The following WDR59 variants were observed in gnomAD, a reference collection of about 807,000 sequenced individuals.
WDR59 encodes the protein GATOR2 complex protein WDR59.
In WDR59, 100 loss-of-function variants were observed where a neutral mutation model predicts 131.2. The observed-to-expected ratio is 0.76, with a 90% CI of 0.65 to 0.90. The LOEUF (loss-of-function observed/expected upper bound fraction) is 0.90. Ranked by LOEUF, WDR59 falls within the 40% of genes least tolerant of loss-of-function variation. The probability of loss-of-function intolerance (pLI) is 0.00; values close to 1 mark genes in which losing one functional copy is unlikely to be tolerated. For missense variants in WDR59, 1,203 were observed against 1,262.2 expected (o/e 0.95, Z 0.71); for synonymous variants, 601 against 466.2 (o/e 1.29, Z -3.72).
chr16:74,916,143 G>C lies in WDR59; in HGVS notation c.1083C>G (p.Ser361Arg), dbSNP rs1185642929. 6.2e-7 allele frequency: 1 copy of C among 1,614,160 alleles called. No homozygotes were observed. The highest frequency in any genetic ancestry group is 8.5e-7 in the Non-Finnish European group (1 of 1,180,034). Reference protein sequence around the residue: ...TEDTDHQHTASHGEEEALKED... With the variant: ...TEDTDHQHTARHGEEEALKED... ...ACAAATTACCTTCTTCCTCCCCATG[G>C]CTTGCAGTGTGCTGGTGATCTGTAT... The change falls in exon 12 of 26, where the codon AGC becomes AGG. Residue 361 changes from serine to arginine, a missense_variant. By Grantham distance (110) the Ser-to-Arg change is moderately radical. Coordinates refer to ENST00000262144, the MANE Select transcript of WDR59 (RefSeq NM_030581.4).
At chr16:74,886,192 T>TAAAAAAAAAAAAAAAA (rs1567687441) in intron 24 of WDR59, 78 bp downstream of exon 24, 1 of 1,152,284 alleles carries the variant, frequency 8.7e-7, no homozygotes, top group Admixed American at 2.4e-5. Context: ...AAAAAAAAAG[T>TAAAAAAAAAAAAAAAA]AAGAGTTGTG....
chr16:74,907,278 C>G (rs1567706933), intron 17 of WDR59, among the ~76,000 whole-genome samples: 1 of 152,136 alleles, frequency 6.6e-6, no homozygotes, highest in Non-Finnish European at 1.5e-5. Flanking sequence ...CTTTGTGTCC[C>G]CACCCAAATC....
At chr16:74,936,703 G>T (rs569812843) in intron 8 of WDR59, among the ~76,000 whole-genome samples, 1 of 152,128 alleles carries the variant, frequency 6.6e-6, no homozygotes, top group African/African-American at 2.4e-5. Flanking sequence ...GCGTGCATCT[G>T]TAATCCCAGC....
chr16:74,947,147 C>T (rs2145122002), intron 6 of WDR59, among the ~76,000 whole-genome samples: 1 of 152,272 alleles, frequency 6.6e-6, no homozygotes, highest in South Asian at 2.1e-4. Flanking sequence ...CTTGGTTCAT[C>T]CATGTTAAAC....
At chr16:74,912,408 C>A in intron 13 of WDR59, 46 bp from the exon 14 acceptor site, 1 of 1,584,600 alleles carries the variant, frequency 6.3e-7, no homozygotes, top group African/African-American at 1.3e-5. Context: ...AACCATAAAG[C>A]GTCTTTCGAT....
chr16:74,914,025 G>A (rs56980203), intron 13 of WDR59, among the ~76,000 whole-genome samples: 74,394 of 152,108 alleles, frequency 0.49, 21,493 homozygotes, highest in Non-Finnish European at 0.63. Flanking sequence ...TGGCCAACAT[G>A]GCAAAAACCC....
chr16:74,962,110 T>C (rs1159368107), intron 2 of WDR59, among the ~76,000 whole-genome samples: 2 of 152,158 alleles, frequency 1.3e-5, no homozygotes, highest in East Asian at 3.8e-4. Context: ...AGATGTGCAG[T>C]CTTATTTCTG....
intron 4 of WDR59, 104 bp from the exon 5 acceptor site, chr16:74,949,902 T>C (rs1460980997): frequency 1.0e-6 from 1 of 989,876 alleles, no homozygotes; most frequent in East Asian, 2.6e-5. Flanking sequence ...AATGTCATCA[T>C]TAACGGGCTT....
chr16:74,984,469 C>G (rs1272329536), intron 1 of WDR59: 1 of 182,630 alleles, frequency 5.5e-6, no homozygotes, highest in East Asian at 1.4e-4. Flanking sequence ...ACGGTATTTT[C>G]CAGTATGATG....
rs370060058 is a variant in WDR59, at chr16:74,908,865, G to T, written c.1712+43C>A. 332 of 1,581,078 alleles carry T rather than the reference G, an allele frequency of 2.1e-4. 2 individuals are homozygous for T. In the South Asian group the frequency reaches 3.3e-3, roughly 16 times the overall value. On this transcript the variant is annotated intron_variant, in intron 17 of 25. Coordinates refer to ENST00000262144, the MANE Select transcript of WDR59 (RefSeq NM_030581.4). ...CCTTCCCAGGTCTCTGGCCACTTCT[G>T]GCCCCGGGAACGTAGAGCGGCTTCT...
intron 20 of WDR59, among the ~76,000 whole-genome samples, chr16:74,891,898 T>G (rs527778314): frequency 4.6e-5 from 7 of 152,288 alleles, no homozygotes; most frequent in African/African-American, 1.7e-4. Flanking sequence ...CACTCTAGCC[T>G]GGGCGACAGA....
In WDR59 at chr16:74,906,320, A is replaced by AAAAAAAAAAAAAAAAAAAAAAAC. The variant is rs765077670; in HGVS notation, c.1713-2221_1713-2220insGTTTTTTTTTTTTTTTTTTTTTT. Among the ~76,000 whole-genome samples the AAAAAAAAAAAAAAAAAAAAAAAC allele has an allele frequency of 2.9e-4, 40 of 136,360 alleles. 1 individual carries two copies. The highest frequency in any genetic ancestry group is 1.0e-3 in the African/African-American group (40 of 38,122). 89.5% of individuals were successfully genotyped at this position (136,360 alleles called of 152,430 possible). A position where few individuals can be genotyped will look rare whatever the true frequency, so the allele number is the denominator to read the frequency against. On this transcript the variant is annotated intron_variant, in intron 17 of 25. Transcript: ENST00000262144. ...CAGAGCAAGACTCCGTCTCAAAAAA[A>AAAAAAAAAAAAAAAAAAAAAAAC]AAAAAACCCACAGTGAGATACTAGG...
chr16:74,934,167 A>G (rs994412218), intron 8 of WDR59, among the ~76,000 whole-genome samples: 1 of 152,230 alleles, frequency 6.6e-6, no homozygotes, highest in African/African-American at 2.4e-5. Flanking sequence ...AGAAAAGTTC[A>G]GCCTCCCCAG....
rs1205897687 is a variant in WDR59, at chr16:74,916,180, AG to A, written c.1045del (p.Leu349CysfsTer20). ...ISLLPEPEKTLHTEDTDHQHT... is the reference protein window; with the variant it reads ...ISLLPEPEKTXHTEDTDHQHT... ...CTGGTGATCTGTATCTTCAGTGTGC[AG>A]GGTCTTCTCAGGTTCCGGCAGAAGG... On this transcript the variant is annotated frameshift_variant, in exon 12 of 26. Coordinates refer to ENST00000262144, the MANE Select transcript of WDR59 (RefSeq NM_030581.4). LOFTEE classifies it high-confidence loss of function. The A allele has an allele frequency of 6.2e-7, 1 of 1,614,166 alleles. No homozygotes were observed. Among genetic ancestry groups the A allele is most frequent in the East Asian group, 2.2e-5 (1 of 44,888 alleles).
At chr16:74,881,493 A>G (rs977505518) in intron 25 of WDR59, among the ~76,000 whole-genome samples, 2 of 151,982 alleles carry the variant, frequency 1.3e-5, no homozygotes, top group Non-Finnish European at 2.9e-5. Context: ...CACCTAGCCT[A>G]TACTTTTCTT....
chr16:74,912,036 A>C, intron 14 of WDR59, 162 bp downstream of exon 14: 1 of 936,214 alleles, frequency 1.1e-6, no homozygotes, highest in South Asian at 1.8e-5. Context: ...TGTTTTCTGC[A>C]CAAAGTAAAT....
intron 25 of WDR59, among the ~76,000 whole-genome samples, chr16:74,880,658 C>A (rs1253818876): frequency 2.0e-5 from 3 of 152,082 alleles, no homozygotes; most frequent in East Asian, 3.9e-4. Flanking sequence ...AGGTAAGAGG[C>A]ACAGGACGAC....
At chr16:74,881,623 C>A (rs945622927) in intron 25 of WDR59, among the ~76,000 whole-genome samples, 2 of 151,704 alleles carry the variant, frequency 1.3e-5, no homozygotes, top group East Asian at 1.9e-4. Flanking sequence ...GACTGTAATC[C>A]CAGCACTTTG....
intron 18 of WDR59, among the ~76,000 whole-genome samples, chr16:74,903,014 C>T (rs938164115): frequency 2.6e-5 from 4 of 152,134 alleles, no homozygotes; most frequent in African/African-American, 9.7e-5. Flanking sequence ...ATTTTAGTCA[C>T]ATACAACCCT....
Sources: gnomAD v4.1 joint callset for allele counts (sites outside exome capture counted in the v4.1 genomes callset) on GRCh38, gnomAD v4.1.1 for gene constraint, MANE v1.5 for transcripts, NCBI Gene and HGNC (gene_info 2026-07-23, HGNC 2026-07-21) for gene names.